PLPPR4: variants seen among roughly 807,000 people sequenced by gnomAD.
PLPPR4 encodes the protein phospholipid phosphatase-related protein type 4.
In PLPPR4, 24 loss-of-function variants were observed where a neutral mutation model predicts 56.6. The observed-to-expected ratio is 0.42, with a 90% confidence interval of 0.31 to 0.60. The LOEUF is 0.60. Ranked by LOEUF, PLPPR4 falls within the 20% of genes least tolerant of loss-of-function variation. The probability of loss-of-function intolerance (pLI) is 0.13; values close to 1 mark genes in which losing one functional copy is unlikely to be tolerated. For synonymous variants in PLPPR4, 326 were observed against 328.1 expected (o/e 0.99, Z 0.07); for missense variants, 654 against 885.8 (o/e 0.74, Z 3.32).
Position 99,306,510 on chromosome 1 carries a change from G to A in PLPPR4, c.1648G>A (p.Gly550Ser), listed in dbSNP as rs1221148385. The change falls in exon 7 of 7, where the codon GGC (glycine) becomes AGC (serine). Residue 550 changes from glycine (G) to serine (S), a missense_variant. Physicochemically the swap from Gly to Ser is moderately conservative, Grantham distance 56. This residue lies in a region of PLPPR4 where 468 missense variants were observed against 554.3 expected (regional missense o/e 0.84). Transcript: ENST00000370185. The surrounding 1 kb of genome is among the most constrained non-coding windows in gnomAD (Gnocchi z 4.0). ...CCAAAGCAGCCCCAAGAACACTGAA[G>A]GCAGCACGGTCTCCTGCACTGGCTC... ...VLQSSPKNTE[G>S]STVSCTGSIR... 5.0e-6 allele frequency: 8 copies of A among 1,614,166 alleles called. No homozygotes were observed. The highest frequency in any genetic ancestry group is 4.5e-5 in the East Asian group (2 of 44,868).
Position 99,291,694 on chromosome 1 carries a change from G to T in PLPPR4, c.264+3544G>T, listed in dbSNP as rs565965766. ...AGGAACAGAAAACCAAACACCACGTGTTCTCATTCATAACTGGGAGTTGAA... is the reference window on the plus strand; with the variant it reads ...AGGAACAGAAAACCAAACACCACGTTTTCTCATTCATAACTGGGAGTTGAA... On this transcript the variant is annotated intron_variant, in intron 2 of 6. Transcript: ENST00000370185. 2.0e-5 allele frequency among the ~76,000 whole-genome samples: 3 copies of T among 152,266 alleles called. No homozygotes were observed. In the East Asian group the frequency reaches 5.8e-4, roughly 29 times the overall value.
At chr1:99,301,024 T>C in intron 5 of PLPPR4, 58 bp downstream of exon 5, 1 of 1,466,152 alleles carries the variant, frequency 6.8e-7, no homozygotes, top group Non-Finnish European at 9.6e-7. Context: ...GAGGAATGAA[T>C]GTTGTCTCCA....
upstream of PLPPR4, among the ~76,000 whole-genome samples, chr1:99,263,257 G>T (rs1236780475): frequency 6.6e-6 from 1 of 152,100 alleles, no homozygotes; most frequent in Non-Finnish European, 1.5e-5. Context: ...CAGAGAATTG[G>T]GTTCAACTAA....
rs1234163476 is a variant in PLPPR4 at position 99,306,772 on chromosome 1, G to A, written c.1910G>A (p.Arg637His). 3.1e-6 allele frequency: 5 copies of A among 1,613,842 alleles called. No individual in the cohort carries two copies. The highest frequency in any genetic ancestry group is 2.7e-5 in the African/African-American group (2 of 74,912). The change falls in exon 7 of 7, where the codon CGC (arginine) becomes CAC (histidine). Residue 637 changes from arginine to histidine, a missense_variant. Physicochemically the swap from Arg to His is conservative, Grantham distance 29. Coordinates refer to ENST00000370185, the MANE Select transcript of PLPPR4 (RefSeq NM_014839.5). The surrounding 1 kb of genome is among the most constrained non-coding windows in gnomAD (Gnocchi z 4.0). ...SLKDSFGSGD[R>H]KRSNIDSNEH... ...AAAGACAGCTTTGGTTCTGGAGATCGCAAGAGAAGCAACATTGATAGCAAT... is the reference window on the plus strand; with the variant it reads ...AAAGACAGCTTTGGTTCTGGAGATCACAAGAGAAGCAACATTGATAGCAAT...
chr1:99,281,724 C>T (rs1456141153), intron 1 of PLPPR4, among the ~76,000 whole-genome samples: 2 of 152,042 alleles, frequency 1.3e-5, no homozygotes, highest in Non-Finnish European at 2.9e-5. Context: ...CTTTGATCTG[C>T]TAGTATTTTT....
At chr1:99,284,167 A>T (rs1659407799) in intron 1 of PLPPR4, among the ~76,000 whole-genome samples, 1 of 152,228 alleles carries the variant, frequency 6.6e-6, no homozygotes, top group African/African-American at 2.4e-5. Flanking sequence ...AAACCGGCAC[A>T]TACCGTCTGT....
rs770121809 is a variant in PLPPR4 at position 99,272,614 on chromosome 1, C to A, written c.78+7943C>A. Among the ~76,000 whole-genome samples, 2 of 152,060 alleles carry A rather than the reference C, an allele frequency of 1.3e-5. 1 individual carries two copies. Among genetic ancestry groups the A allele is most frequent in the South Asian group, 4.1e-4 (2 of 4,826 alleles). On this transcript the variant is annotated intron_variant, in intron 1 of 6. Transcript: ENST00000370185. The stretch of plus-strand genomic sequence containing the variant: ...AAATTGTTAGGCTCTTTGAAAAGCA[C>A]GGTAATAGCTAAAGATTAGAAAATT...
chr1:99,286,628 GC>G (rs1659469479), intron 1 of PLPPR4, among the ~76,000 whole-genome samples: 1 of 152,172 alleles, frequency 6.6e-6, no homozygotes, highest in Admixed American at 6.6e-5. Flanking sequence ...ATGTAAAGAA[GC>G]AGTAGTATAA....
chr1:99,298,024 T>G (rs924967913), intron 3 of PLPPR4, among the ~76,000 whole-genome samples: 1 of 152,134 alleles, frequency 6.6e-6, no homozygotes, highest in Non-Finnish European at 1.5e-5. Flanking sequence ...AGAAATAAAG[T>G]TTCTGTGTCA....
chr1:99,266,919 A>G (rs1238972034), intron 1 of PLPPR4, among the ~76,000 whole-genome samples: 2 of 152,266 alleles, frequency 1.3e-5, no homozygotes, highest in African/African-American at 2.4e-5. Context: ...TCTCCTTCGT[A>G]GGATGAATAA....
At chr1:99,271,195 T>C (rs1320812159) in intron 1 of PLPPR4, among the ~76,000 whole-genome samples, 1 of 152,226 alleles carries the variant, frequency 6.6e-6, no homozygotes, top group Non-Finnish European at 1.5e-5. Context: ...TTTCAAGTCT[T>C]CTTTATATGG....
At chr1:99,265,817 T>C (rs1187083298) in intron 1 of PLPPR4, among the ~76,000 whole-genome samples, 1 of 152,180 alleles carries the variant, frequency 6.6e-6, no homozygotes, top group East Asian at 1.9e-4. Context: ...AGAAGAGACA[T>C]TGTCGGACTG....
intron 1 of PLPPR4, among the ~76,000 whole-genome samples, chr1:99,276,818 A>G (rs1659197309): frequency 6.6e-6 from 1 of 152,122 alleles, no homozygotes; most frequent in African/African-American, 2.4e-5. Flanking sequence ...CCTTTGAAAG[A>G]TTTCTTAAGA....
chr1:99,283,228 A>T (rs1336286189), intron 1 of PLPPR4, among the ~76,000 whole-genome samples: 1 of 152,066 alleles, frequency 6.6e-6, no homozygotes. Context: ...AAAGGATGTT[A>T]TAGGACTCTG....
At chr1:99,271,145 A>G (rs1486577242) in intron 1 of PLPPR4, among the ~76,000 whole-genome samples, 1 of 152,226 alleles carries the variant, frequency 6.6e-6, no homozygotes, top group Non-Finnish European at 1.5e-5. Context: ...AGATTTTAAT[A>G]ATGATGATAA....
Position 99,298,520 on chromosome 1 carries a change from C to T in PLPPR4, c.395-515C>T, listed in dbSNP as rs185949313. Among the ~76,000 whole-genome samples, 3 of 152,226 alleles carry T rather than the reference C, an allele frequency of 2.0e-5. No homozygotes were observed. In the East Asian group the frequency reaches 5.8e-4, roughly 29 times the overall value. ...ACCTAGGATACGATTGTCATTTCCACGTTAGGGCCTGTCTGACTTCTTCTC... is the reference window on the plus strand; with the variant it reads ...ACCTAGGATACGATTGTCATTTCCATGTTAGGGCCTGTCTGACTTCTTCTC... On this transcript the variant is annotated intron_variant, in intron 3 of 6. Transcript: ENST00000370185.
intron 2 of PLPPR4, among the ~76,000 whole-genome samples, chr1:99,294,948 T>C (rs1356029595): frequency 6.6e-6 from 1 of 152,114 alleles, no homozygotes; most frequent in Non-Finnish European, 1.5e-5. Context: ...CAAGAATAAG[T>C]GGTTAATTTT....
chr1:99,302,902 T>A (rs377245918), intron 6 of PLPPR4, among the ~76,000 whole-genome samples: 2 of 151,818 alleles, frequency 1.3e-5, no homozygotes, highest in Non-Finnish European at 2.9e-5. Flanking sequence ...ATTTTCTTAA[T>A]CCAGTCTATC....
intron 1 of PLPPR4, among the ~76,000 whole-genome samples, chr1:99,276,567 G>T (rs1659190343): frequency 1.3e-5 from 2 of 151,910 alleles, no homozygotes; most frequent in South Asian, 2.1e-4. Context: ...TCAGAAATTT[G>T]CTTCTCTTAT....
Sources: allele counts gnomAD v4.1 joint callset (sites outside exome capture counted in the v4.1 genomes callset), GRCh38; gene constraint gnomAD v4.1.1; regional missense constraint gnomAD v4.1.1; non-coding constraint Gnocchi (gnomAD v3.1); transcripts MANE v1.5; gene names NCBI Gene and HGNC (gene_info 2026-07-23, HGNC 2026-07-21).